PSMC1: variants seen among roughly 807,000 people sequenced by gnomAD.
PSMC1 encodes the protein proteasome 26S subunit, ATPase 1, also known as 26S proteasome regulatory subunit 4.
PSMC1 carries 5 observed loss-of-function variants against 49.8 expected under a neutral mutation model. The ratio of observed to expected loss-of-function variants is 0.10; its 90% confidence interval spans 0.05 to 0.21. The LOEUF (loss-of-function observed/expected upper bound fraction) is 0.21, where lower values mean the gene tolerates loss of function less well. PSMC1 is among the 10% of genes least tolerant of loss of function. PSMC1 has a pLI of 1.00. For missense variants in PSMC1, 181 were observed against 535.7 expected (o/e 0.34, Z 6.54); for synonymous variants, 155 against 192.1 (o/e 0.81, Z 1.60).
chr14:90,271,736 C>T (rs1347441231), intron 10 of PSMC1: 1 of 152,216 alleles, frequency 6.6e-6, no homozygotes, highest in Non-Finnish European at 1.5e-5. Flanking sequence ...CAGCCCTGAC[C>T]CTTGGGTCAG....
rs1891297935 is a variant in PSMC1 at position 90,256,612 on chromosome 14, A to C, written c.3+12A>C. 2 of 1,589,558 alleles carry C rather than the reference A, an allele frequency of 1.3e-6. No individual in the cohort carries two copies. The highest frequency in any genetic ancestry group is 1.7e-4 in the Middle Eastern group (1 of 6,032). On this transcript the variant is annotated intron_variant, in intron 1 of 10. Transcript: ENST00000261303. ...GCCAAGGCAAGATGGTGAGTGACTA[A>C]GGGTTTCTTTCCGCTGGTCGTCGCG...
chr14:90,259,695 C>T (rs1430374035), intron 2 of PSMC1, among the ~76,000 whole-genome samples: 1 of 152,090 alleles, frequency 6.6e-6, no homozygotes, highest in African/African-American at 2.4e-5. Flanking sequence ...GATCTCGGCT[C>T]ACTGCAACCT....
rs1891457889 is a variant in PSMC1 at position 90,264,068 on chromosome 14, G to A, written c.493G>A (p.Asp165Asn). ...GCATGCCGTGATAGGGGTGCTGATG[G>A]ATGACACGGATCCCCTGGTCACAGT... ...KVHAVIGVLMDDTDPLVTVMK... is the reference protein window; with the variant it reads ...KVHAVIGVLMNDTDPLVTVMK... The change falls in exon 6 of 11, where the codon GAT becomes AAT. Residue 165 changes from aspartate to asparagine, a missense_variant. Physicochemically the swap from Asp to Asn is conservative, Grantham distance 23. This residue lies in a region of PSMC1 where 121 missense variants were observed against 358.6 expected (regional missense o/e 0.34). Transcript: ENST00000261303. 4 of 1,612,806 alleles carry A rather than the reference G, an allele frequency of 2.5e-6. No homozygotes were observed. Among genetic ancestry groups the A allele is most frequent in the Non-Finnish European group, 3.4e-6 (4 of 1,179,652 alleles).
chr14:90,273,728 A>AAT lies in PSMC1; in HGVS notation c.*1322_*1323dup, dbSNP rs1166701120. On this transcript the variant is annotated 3_prime_UTR_variant, in exon 11 of 11. Transcript: ENST00000261303. ...CTGAGGATTATTGTTGGCAGAATTT[A>AAT]ATTTCTTGGAGTTGTGGGCCAGCTG... 2.6e-5 allele frequency: 4 copies of AAT among 154,726 alleles called. No individual in the cohort carries two copies. The highest frequency in any genetic ancestry group is 9.6e-5 in the African/African-American group (4 of 41,624). 9.6% of individuals were successfully genotyped at this position (154,726 alleles called of 1,614,324 possible). A position where few individuals can be genotyped will look rare whatever the true frequency, so the allele number is the denominator to read the frequency against.
chr14:90,262,390 A>C (rs978201132), intron 3 of PSMC1, among the ~76,000 whole-genome samples: 2 of 152,198 alleles, frequency 1.3e-5, no homozygotes, highest in Admixed American at 1.3e-4. Context: ...AATGGAATAC[A>C]GGTATACATG....
chr14:90,257,898 G>A (rs987831178), intron 1 of PSMC1, among the ~76,000 whole-genome samples: 27 of 152,178 alleles, frequency 1.8e-4, no homozygotes, highest in African/African-American at 6.5e-4. Flanking sequence ...CCTCATAGAG[G>A]TCTTATACGG....
rs576962791 is a variant in PSMC1, at chr14:90,268,822, G to A, written c.881+409G>A. The A allele has an allele frequency of 1.1e-4, 19 of 168,686 alleles. No homozygotes were observed. In the South Asian group the frequency reaches 2.4e-3, roughly 21 times the overall value. 10.4% of individuals were successfully genotyped at this position (168,686 alleles called of 1,614,324 possible). On this transcript the variant is annotated intron_variant, in intron 8 of 10. Transcript: ENST00000261303. ...GATCTGTAACTTGGCTGATGGGAGCGTCTTAGTCCATTTGTGCTGCTAAAC... is the reference window on the plus strand; with the variant it reads ...GATCTGTAACTTGGCTGATGGGAGCATCTTAGTCCATTTGTGCTGCTAAAC...
At chr14:90,271,525 T>C (rs1891662579) in intron 10 of PSMC1, 1 of 152,258 alleles carries the variant, frequency 6.6e-6, no homozygotes, top group African/African-American at 2.4e-5. Flanking sequence ...TTCCATAGTA[T>C]AGATACTGCC....
chr14:90,270,273 G>T lies in PSMC1; in HGVS notation c.1109G>T (p.Ser370Ile). 1 of 1,613,704 alleles carries T rather than the reference G, an allele frequency of 6.2e-7. No individual in the cohort carries two copies. Residue 370 changes from serine (S) to isoleucine (I), a missense_variant, in exon 10 of 11, where the codon AGC (serine) becomes ATC (isoleucine). Coordinates refer to ENST00000261303, the MANE Select transcript of PSMC1 (RefSeq NM_002802.3). ...TKKRIFQIHTSRMTLADDVTL... is the reference protein window; with the variant it reads ...TKKRIFQIHTIRMTLADDVTL... ...AAGCGCATCTTTCAGATTCACACAA[G>T]CAGGATGACGCTGGCTGATGATGTA...
rs992235534 is a variant in PSMC1 at position 90,264,011 on chromosome 14, C to T, written c.466-30C>T. 8 of 1,594,406 alleles carry T rather than the reference C, an allele frequency of 5.0e-6. No homozygotes were observed. The African/African-American group carries it at 1.1e-4, about 22-fold the overall frequency. ...AAACAGATCCAGCAAACCTCACGTT[C>T]CTGTGTTAAACCTTGATGTTTCCTG... On this transcript the variant is annotated intron_variant, in intron 5 of 10. Coordinates refer to ENST00000261303, the MANE Select transcript of PSMC1 (RefSeq NM_002802.3).
rs892349996 is a variant in PSMC1 at position 90,272,196 on chromosome 14, A to C, written c.1189-77A>C. ...GGTGTGAGCCACCGCGCCTGGCCTCAGAATAGGTTTTTTGGAATTCCTTGT... is the reference window on the plus strand; with the variant it reads ...GGTGTGAGCCACCGCGCCTGGCCTCCGAATAGGTTTTTTGGAATTCCTTGT... On this transcript the variant is annotated intron_variant, in intron 10 of 10. Transcript: ENST00000261303. The surrounding 1 kb of genome is among the most constrained non-coding windows in gnomAD (Gnocchi z 4.5). 1 of 1,553,340 alleles carries C rather than the reference A, an allele frequency of 6.4e-7. No homozygotes were observed. Among genetic ancestry groups the C allele is most frequent in the African/African-American group, 1.4e-5 (1 of 72,156 alleles).
At position 90,259,941 on chromosome 14, in the gene PSMC1, C is replaced by A. The variant is rs538244655; in HGVS notation, c.58-174C>A. Reference sequence around the variant, plus strand: ...CCAGCCTACATTTACTTATTATAATCATATTTACTTATTAAAATTGCAGGA... The same window carrying A: ...CCAGCCTACATTTACTTATTATAATAATATTTACTTATTAAAATTGCAGGA... On this transcript the variant is annotated intron_variant, in intron 2 of 10. Coordinates refer to ENST00000261303, the MANE Select transcript of PSMC1 (RefSeq NM_002802.3). Among the ~76,000 whole-genome samples the A allele has an allele frequency of 4.6e-5, 7 of 152,172 alleles. No individual in the cohort carries two copies. The South Asian group carries it at 1.0e-3, about 23-fold the overall frequency.
intron 3 of PSMC1, among the ~76,000 whole-genome samples, chr14:90,261,977 G>T (rs375477083): frequency 3.3e-5 from 5 of 151,860 alleles, no homozygotes; most frequent in Admixed American, 1.3e-4. Flanking sequence ...CCATAAAAAA[G>T]GATGAGTTCA....
At chr14:90,271,763 T>G (rs1708143527) in intron 10 of PSMC1, 1 of 152,688 alleles carries the variant, frequency 6.5e-6, no homozygotes, top group African/African-American at 2.4e-5. Context: ...TTACAGTAAC[T>G]CCCAGTTTAA....
rs938600438 is a variant in PSMC1 at position 90,268,235 on chromosome 14, T to A, written c.703T>A (p.Leu235Ile). The change falls in exon 8 of 11, where the codon TTA becomes ATA. Residue 235 changes from leucine to isoleucine, a missense_variant. Physicochemically the swap from Leu to Ile is conservative, Grantham distance 5. Around this residue, in one of 3 missense-constraint regions of PSMC1, gnomAD observed 121 missense variants for 358.6 expected, o/e 0.34. Transcript: ENST00000261303. ...TTCATCCAAAATAGGTAAAACCTTG[T>A]TAGCCAAAGCAGTAGCAAACCAAAC... ...YGPPGTGKTLLAKAVANQTSA... is the reference protein window; with the variant it reads ...YGPPGTGKTLIAKAVANQTSA... 9 of 1,580,568 alleles carry A rather than the reference T, an allele frequency of 5.7e-6. No homozygotes were observed. The highest frequency in any genetic ancestry group is 3.9e-5 in the Admixed American group (2 of 50,682).
At chr14:90,265,006 G>A in intron 6 of PSMC1, 64 bp from the exon 7 acceptor site, 1 of 1,196,746 alleles carries the variant, frequency 8.4e-7, no homozygotes, top group East Asian at 2.3e-5. Context: ...ATATTGTCAT[G>A]TTGCCAATTA....
Position 90,263,305 on chromosome 14 carries a change from A to G in PSMC1, c.155-13A>G, listed in dbSNP as rs1319504727. 1.9e-6 allele frequency: 3 copies of G among 1,583,490 alleles called. No individual in the cohort carries two copies. Among genetic ancestry groups the G allele is most frequent in the Middle Eastern group, 4.4e-4 (2 of 4,586 alleles). ...GGGTCCACATATAATGAAACTTTAT[A>G]TTTAAATTTCAGTGACACCTCACAC... is the stretch of plus-strand genomic sequence containing the variant. On this transcript the variant is annotated splice_polypyrimidine_tract_variant and intron_variant, in intron 3 of 10. Coordinates refer to ENST00000261303, the MANE Select transcript of PSMC1 (RefSeq NM_002802.3).
At position 90,274,765 on chromosome 14, in the gene PSMC1, T is replaced by G. The variant is rs1349485240; in HGVS notation, c.*2358T>G. On this transcript the variant is annotated 3_prime_UTR_variant, in exon 11 of 11. Transcript: ENST00000261303. ...AACAGTTACTATTAATGGAATACAG[T>G]ATAGCCCTTTAAATAGGGAACTACA... is the stretch of plus-strand genomic sequence containing the variant. 1 of 146,706 alleles carries G rather than the reference T, an allele frequency of 6.8e-6. No homozygotes were observed. Among genetic ancestry groups the G allele is most frequent in the Admixed American group, 6.9e-5 (1 of 14,448 alleles). 9.1% of individuals were successfully genotyped at this position (146,706 alleles called of 1,614,324 possible).
rs1891779759 is a variant in PSMC1, at chr14:90,275,307, G to A, written c.*2900G>A. On this transcript the variant is annotated 3_prime_UTR_variant, in exon 11 of 11. Transcript: ENST00000261303. The stretch of plus-strand genomic sequence containing the variant: ...CGTCCATGCTGACTTCCTGTTCAGT[G>A]TCTGTATCGTGGGCGGGTAGCAGAC... 1 of 152,128 alleles carries A rather than the reference G, an allele frequency of 6.6e-6. No homozygotes were observed. The highest frequency in any genetic ancestry group is 2.4e-5 in the African/African-American group (1 of 41,430). 9.4% of individuals were successfully genotyped at this position (152,128 alleles called of 1,614,324 possible).
Sources: allele counts gnomAD v4.1 joint callset (sites outside exome capture counted in the v4.1 genomes callset), GRCh38; gene constraint gnomAD v4.1.1; regional missense constraint gnomAD v4.1.1; non-coding constraint Gnocchi (gnomAD v3.1); transcripts MANE v1.5; gene names NCBI Gene and HGNC (gene_info 2026-07-23, HGNC 2026-07-21).